HESX1: variants seen among roughly 807,000 people sequenced by gnomAD.
HESX1 encodes homeobox expressed in ES cells 1.
A neutral mutation model predicts 22.5 loss-of-function variants in HESX1; 11 were observed. The ratio of observed to expected loss-of-function variants is 0.49; its 90% CI spans 0.31 to 0.81. The LOEUF (loss-of-function observed/expected upper bound fraction) is 0.81, where lower values mean the gene tolerates loss of function less well. HESX1 is among the 30% of genes least tolerant of loss of function. The pLI is 0.05. For synonymous variants in HESX1, 74 were observed against 76.5 expected (o/e 0.97, Z 0.17); for missense variants, 201 against 212.6 (o/e 0.95, Z 0.34).
intron 1 of HESX1, among the ~76,000 whole-genome samples, chr3:57,225,507 C>A (rs1471046359): frequency 1.3e-5 from 2 of 152,080 alleles, no homozygotes; most frequent in Non-Finnish European, 1.5e-5. Flanking sequence ...CCATGCCCAG[C>A]TAATTTTTGT....
chr3:57,214,409 C>T (rs982129183), intron 1 of HESX1, among the ~76,000 whole-genome samples: 1 of 152,094 alleles, frequency 6.6e-6, no homozygotes, highest in African/African-American at 2.4e-5. Context: ...GAAAATGTCC[C>T]AAATCTACTT....
chr3:57,198,916 G>A lies in HESX1; in HGVS notation c.194C>T (p.Pro65Leu). ...GCTAGGGAATGAAATCCCACTGGGA[G>A]GATTTGGGACATGTAGACATAAGTT... Reference protein sequence around the residue: ...DGNLCLHVPNPPSGISFPSVV... With the variant: ...DGNLCLHVPNLPSGISFPSVV... The change falls in exon 2 of 4, where the codon CCT becomes CTT. Residue 65 changes from proline (P) to leucine (L), a missense_variant. By Grantham distance (98) the Pro-to-Leu change is moderately conservative. Transcript: ENST00000295934. The A allele has an allele frequency of 6.2e-7, 1 of 1,614,088 alleles. No individual in the cohort carries two copies. The highest frequency in any genetic ancestry group is 8.5e-7 in the Non-Finnish European group (1 of 1,180,002).
At chr3:57,219,560 G>A (rs753548680) in intron 1 of HESX1, among the ~76,000 whole-genome samples, 34 of 151,894 alleles carry the variant, frequency 2.2e-4, no homozygotes, top group Non-Finnish European at 4.3e-4. Context: ...GTAGAGACGG[G>A]GTTTCACCGT....
chr3:57,227,362 T>C (rs994043360), upstream of HESX1, among the ~76,000 whole-genome samples: 1 of 152,186 alleles, frequency 6.6e-6, no homozygotes, highest in African/African-American at 2.4e-5. Context: ...GGGAATGTTA[T>C]CATCTGAGGA....
At chr3:57,205,239 A>G (rs953107980) in intron 1 of HESX1, among the ~76,000 whole-genome samples, 4 of 152,064 alleles carry the variant, frequency 2.6e-5, no homozygotes, top group Non-Finnish European at 5.9e-5. Context: ...TGAGACCCCA[A>G]CTCTACAAAA....
chr3:57,225,001 G>A (rs903581119), intron 1 of HESX1, among the ~76,000 whole-genome samples: 1 of 152,102 alleles, frequency 6.6e-6, no homozygotes, highest in Non-Finnish European at 1.5e-5. Flanking sequence ...CTACCCACAC[G>A]AGTCGCCAGT....
In HESX1 at chr3:57,198,911, T is replaced by C. The variant is rs1363967466; in HGVS notation, c.199A>G (p.Ser67Gly). ...NLCLHVPNPPSGISFPSVVDH... is the reference protein window; with the variant it reads ...NLCLHVPNPPGGISFPSVVDH... ...ACCACGCTAGGGAATGAAATCCCAC[T>C]GGGAGGATTTGGGACATGTAGACAT... Residue 67 changes from serine to glycine, a missense_variant, in exon 2 of 4, where the codon AGT becomes GGT. Transcript: ENST00000295934. 6.2e-7 allele frequency: 1 copy of C among 1,614,146 alleles called. No individual in the cohort carries two copies. The highest frequency in any genetic ancestry group is 2.2e-5 in the East Asian group (1 of 44,876).
rs1356031551 is a variant in HESX1, at chr3:57,198,188, G to C, written c.*9C>G. 3 of 1,518,186 alleles carry C rather than the reference G, an allele frequency of 2.0e-6. No individual in the cohort carries two copies. Among genetic ancestry groups the C allele is most frequent in the Non-Finnish European group, 2.7e-6 (3 of 1,093,530 alleles). The allele number at this position is 1,518,186 out of a possible 1,614,324, so 94.0% of individuals were successfully genotyped here. A position where few individuals can be genotyped will look rare whatever the true frequency, so the allele number is the denominator to read the frequency against. ...ATTAGAAGATAATTTCACTTGTTTAGTTTTCTATCTATTCCAGCAGATTTG... is the reference window on the plus strand; with the variant it reads ...ATTAGAAGATAATTTCACTTGTTTACTTTTCTATCTATTCCAGCAGATTTG... On this transcript the variant is annotated 3_prime_UTR_variant, in exon 4 of 4. Transcript: ENST00000295934.
intron 1 of HESX1, among the ~76,000 whole-genome samples, chr3:57,220,872 G>A (rs1417473069): frequency 6.6e-6 from 1 of 152,208 alleles, no homozygotes; most frequent in African/African-American, 2.4e-5. Context: ...GGCTTTGCCT[G>A]ACGTGGCCTC....
At chr3:57,215,306 G>A (rs1201203251) in intron 1 of HESX1, among the ~76,000 whole-genome samples, 1 of 152,124 alleles carries the variant, frequency 6.6e-6, no homozygotes, top group South Asian at 2.1e-4. Context: ...AGGGAGGTAC[G>A]AGAATTCTCA....
intron 1 of HESX1, among the ~76,000 whole-genome samples, chr3:57,210,199 G>A (rs1020657239): frequency 6.6e-6 from 1 of 151,736 alleles, no homozygotes; most frequent in African/African-American, 2.4e-5. Flanking sequence ...ATTGACATTA[G>A]AGAGAAGAGA....
At chr3:57,203,120 T>A (rs2060499704), upstream of HESX1, among the ~76,000 whole-genome samples, 1 of 152,150 alleles carries the variant, frequency 6.6e-6, no homozygotes, top group African/African-American at 2.4e-5. Context: ...ATGATAGAAT[T>A]TGTTTTTAAA....
At chr3:57,205,107 G>A (rs2107572150) in intron 1 of HESX1, among the ~76,000 whole-genome samples, 1 of 152,016 alleles carries the variant, frequency 6.6e-6, no homozygotes, top group East Asian at 2.0e-4. Context: ...TGTCACAACT[G>A]TGCTCAAAAA....
intron 1 of HESX1, among the ~76,000 whole-genome samples, chr3:57,212,226 T>G (rs991202117): frequency 6.6e-6 from 1 of 152,002 alleles, no homozygotes; most frequent in African/African-American, 2.4e-5. Context: ...AAATTTGATA[T>G]GAAGTCAACC....
chr3:57,204,206 A>G (rs1162559680), upstream of HESX1, among the ~76,000 whole-genome samples: 1 of 151,988 alleles, frequency 6.6e-6, no homozygotes, highest in Non-Finnish European at 1.5e-5. Flanking sequence ...TTTTTTAGAG[A>G]TAGGATCTCA....
chr3:57,199,416 C>T (rs1323415051), intron 1 of HESX1, among the ~76,000 whole-genome samples: 1 of 151,820 alleles, frequency 6.6e-6, no homozygotes, highest in African/African-American at 2.4e-5. Flanking sequence ...GTCAGGAGTT[C>T]GAGACTAGCC....
At chr3:57,213,708 C>T (rs1054181274) in intron 1 of HESX1, among the ~76,000 whole-genome samples, 12 of 152,236 alleles carry the variant, frequency 7.9e-5, no homozygotes, top group East Asian at 3.9e-4. Context: ...AGGCGGATCG[C>T]GAGGTCAGGA....
intron 1 of HESX1, among the ~76,000 whole-genome samples, chr3:57,210,139 A>G (rs2060545274): frequency 1.3e-5 from 2 of 152,260 alleles, no homozygotes; most frequent in Admixed American, 1.3e-4. Flanking sequence ...TGCATATGAT[A>G]TCAATATCTT....
At chr3:57,201,313 A>T (rs948999026), upstream of HESX1, among the ~76,000 whole-genome samples, 1 of 152,164 alleles carries the variant, frequency 6.6e-6, no homozygotes, top group Non-Finnish European at 1.5e-5. Context: ...CGGATGAATA[A>T]ACCGGTGAAC....
Sources: gnomAD v4.1 joint callset for allele counts (sites outside exome capture counted in the v4.1 genomes callset) on GRCh38, gnomAD v4.1.1 for gene constraint, MANE v1.5 for transcripts, NCBI Gene and HGNC (gene_info 2026-07-23, HGNC 2026-07-21) for gene names.